Variants in GRM8 observed in about 807,000 individuals in gnomAD.
GRM8 encodes the protein glutamate metabotropic receptor 8.
In GRM8, 47 loss-of-function variants were observed where a neutral mutation model predicts 87.2. The observed-to-expected ratio is 0.54, with a 90% confidence interval of 0.43 to 0.69. The LOEUF (loss-of-function observed/expected upper bound fraction) is 0.69, where lower values mean the gene tolerates loss of function less well. Among genes scored for constraint, GRM8 ranks in the 30% least tolerant of loss-of-function variants. The pLI is 0.00. For synonymous variants in GRM8, 396 were observed against 404.5 expected, an observed-to-expected ratio of 0.98 and a Z score of 0.25; for missense variants, 1,019 against 1,139.2, an observed-to-expected ratio of 0.89 and a Z score of 1.52.
chr7:126,924,837 C>T (rs1274228935), intron 3 of GRM8, among the ~76,000 whole-genome samples: 1 of 152,034 alleles, frequency 6.6e-6, no homozygotes, highest in East Asian at 1.9e-4. Context: ...GTCACTGGCC[C>T]TTATAAGAAC....
chr7:126,463,742 A>T (rs114647359), intron 9 of GRM8, among the ~76,000 whole-genome samples: 1 of 151,724 alleles, frequency 6.6e-6, no homozygotes, highest in South Asian at 2.1e-4. Context: ...TAAAATTCCT[A>T]TGTCAGCAGC....
chr7:127,009,727 T>C (rs1814678228), intron 3 of GRM8, among the ~76,000 whole-genome samples: 1 of 152,150 alleles, frequency 6.6e-6, no homozygotes, highest in Non-Finnish European at 1.5e-5. Flanking sequence ...AATCCAGATT[T>C]TTTTTTTCTT....
intron 3 of GRM8, among the ~76,000 whole-genome samples, chr7:127,097,187 A>G (rs1202769401): frequency 6.6e-6 from 1 of 152,176 alleles, no homozygotes; most frequent in Non-Finnish European, 1.5e-5. Context: ...AAGCGCAGGG[A>G]CCCTGGAAGC....
intron 7 of GRM8, among the ~76,000 whole-genome samples, chr7:126,757,089 A>T (rs933452021): frequency 6.6e-6 from 1 of 152,210 alleles, no homozygotes; most frequent in African/African-American, 2.4e-5. Context: ...AATGTCTAAC[A>T]AAGTAAATTT....
At chr7:127,150,067 A>C (rs1402874858) in intron 2 of GRM8, among the ~76,000 whole-genome samples, 1 of 152,084 alleles carries the variant, frequency 6.6e-6, no homozygotes, top group Non-Finnish European at 1.5e-5. Context: ...TAATGGATAC[A>C]TTAATTTGCT....
chr7:126,784,110 G>A (rs908144894), intron 6 of GRM8, among the ~76,000 whole-genome samples: 4 of 152,126 alleles, frequency 2.6e-5, no homozygotes, highest in Non-Finnish European at 5.9e-5. Flanking sequence ...GAGCTTTAGT[G>A]GGCTGCATCA....
intron 6 of GRM8, among the ~76,000 whole-genome samples, chr7:126,900,003 T>C (rs993390490): frequency 6.6e-6 from 1 of 152,136 alleles, no homozygotes; most frequent in African/African-American, 2.4e-5. Flanking sequence ...TGACTCCCAG[T>C]TCATCTCCTT....
At chr7:127,241,382 T>C (rs940278319) in intron 2 of GRM8, among the ~76,000 whole-genome samples, 2 of 152,160 alleles carry the variant, frequency 1.3e-5, no homozygotes, top group Non-Finnish European at 2.9e-5. Context: ...CTGTCCAACT[T>C]CTCCATATTC....
chr7:126,883,601 A>AC (rs1014794451), intron 6 of GRM8, among the ~76,000 whole-genome samples: 13 of 151,978 alleles, frequency 8.6e-5, no homozygotes, highest in African/African-American at 2.7e-4. Flanking sequence ...TAATCAAAGT[A>AC]TTTTTTTTAG....
intron 3 of GRM8, among the ~76,000 whole-genome samples, 168 bp downstream of exon 3, chr7:127,106,328 C>A (rs1825800761): frequency 6.6e-6 from 1 of 152,160 alleles, no homozygotes; most frequent in Non-Finnish European, 1.5e-5. Flanking sequence ...GACCTATGAA[C>A]AACAAAATCA....
At chr7:127,224,010 C>G (rs1797149624) in intron 2 of GRM8, among the ~76,000 whole-genome samples, 2 of 149,632 alleles carry the variant, frequency 1.3e-5, no homozygotes, top group Non-Finnish European at 3.0e-5. Context: ...AAAACAATTA[C>G]CCATAAACAA....
chr7:126,739,956 C>T (rs1157848179), intron 7 of GRM8, among the ~76,000 whole-genome samples: 1 of 152,016 alleles, frequency 6.6e-6, no homozygotes, highest in East Asian at 1.9e-4. Flanking sequence ...GCAGACTATA[C>T]CATCTAGGTT....
chr7:126,692,069 A>C (rs1563096452), intron 7 of GRM8, among the ~76,000 whole-genome samples: 1 of 152,208 alleles, frequency 6.6e-6, no homozygotes, highest in Non-Finnish European at 1.5e-5. Flanking sequence ...AGAGGGAAAC[A>C]TGCTGAAAAG....
intron 7 of GRM8, among the ~76,000 whole-genome samples, chr7:126,714,363 T>G (rs1420274354): frequency 6.6e-6 from 1 of 151,274 alleles, no homozygotes; most frequent in East Asian, 1.9e-4. Context: ...TTGTGCCAGA[T>G]GTTGTGCTTG....
intron 9 of GRM8, among the ~76,000 whole-genome samples, chr7:126,494,270 A>T (rs1323353137): frequency 6.6e-6 from 1 of 152,046 alleles, no homozygotes; most frequent in Non-Finnish European, 1.5e-5. Flanking sequence ...CCATTTTTTA[A>T]AGTTGCAATA....
At chr7:127,148,137 G>A (rs1410217472) in intron 2 of GRM8, among the ~76,000 whole-genome samples, 2 of 152,032 alleles carry the variant, frequency 1.3e-5, no homozygotes, top group Non-Finnish European at 2.9e-5. Context: ...TACTAGGCAT[G>A]AAATATTCTA....
At chr7:126,608,469 TCC>T (rs1798583253) in intron 8 of GRM8, among the ~76,000 whole-genome samples, 1 of 152,146 alleles carries the variant, frequency 6.6e-6, no homozygotes, top group Admixed American at 6.6e-5. Flanking sequence ...TGGGCACCAA[TCC>T]CAGGCCTTGG....
chr7:127,085,442 A>G (rs1009186860), intron 3 of GRM8, among the ~76,000 whole-genome samples: 40 of 152,328 alleles, frequency 2.6e-4, no homozygotes, highest in African/African-American at 7.7e-4. Context: ...GTGTAAAGGC[A>G]TTCCTATTTC....
chr7:127,206,433 G>A (rs1265785714), intron 2 of GRM8, among the ~76,000 whole-genome samples: 1 of 152,166 alleles, frequency 6.6e-6, no homozygotes, highest in Non-Finnish European at 1.5e-5. Context: ...GCTATCAACT[G>A]CCCTGAGTAG....
Sources: allele counts gnomAD v4.1 joint callset (sites outside exome capture counted in the v4.1 genomes callset), GRCh38; gene constraint gnomAD v4.1.1; transcripts MANE v1.5; gene names NCBI Gene and HGNC (gene_info 2026-07-23, HGNC 2026-07-21).